Variants in NIPAL2 observed in about 807,000 individuals in gnomAD.
NIPAL2 encodes the protein NIPA like domain containing 2, also known as NIPA-like protein 2.
Under a neutral mutation model 48.9 loss-of-function variants are expected in NIPAL2, and 43 were observed. The observed-to-expected ratio is 0.88, with a 90% CI of 0.69 to 1.13. NIPAL2 has a LOEUF of 1.13. Among genes scored for constraint, NIPAL2 ranks in the 50% most tolerant of loss-of-function variants. NIPAL2 has a pLI of 0.00. For missense variants in NIPAL2, 446 were observed against 461.4 expected (o/e 0.97, Z 0.31); for synonymous variants, 167 against 174.6 (o/e 0.96, Z 0.34).
chr8:98,209,007 C>T (rs1811176599), intron 6 of NIPAL2, among the ~76,000 whole-genome samples: 1 of 152,158 alleles, frequency 6.6e-6, no homozygotes, highest in South Asian at 2.1e-4. Flanking sequence ...TCTTGGTTCT[C>T]ATTTCTTGCT....
At chr8:98,219,655 C>G (rs1811750858) in intron 5 of NIPAL2, among the ~76,000 whole-genome samples, 1 of 152,186 alleles carries the variant, frequency 6.6e-6, no homozygotes, top group African/African-American at 2.4e-5. Context: ...TGGTCCTTTT[C>G]TACGTTCCCA....
At chr8:98,265,188 A>G (rs1814631639) in intron 1 of NIPAL2, among the ~76,000 whole-genome samples, 1 of 148,802 alleles carries the variant, frequency 6.7e-6, no homozygotes, top group Non-Finnish European at 1.5e-5. Flanking sequence ...CTAGAAGAAA[A>G]CCTAGGCATT....
intron 1 of NIPAL2, among the ~76,000 whole-genome samples, chr8:98,266,144 A>C (rs1180201453): frequency 1.7e-5 from 1 of 57,500 alleles, no homozygotes; most frequent in African/African-American, 7.0e-5. Flanking sequence ...GGGTGGGGGG[A>C]GGGGGGAGGG....
intron 1 of NIPAL2, among the ~76,000 whole-genome samples, chr8:98,260,120 G>A (rs1814205576): frequency 6.6e-6 from 1 of 152,136 alleles, no homozygotes; most frequent in Non-Finnish European, 1.5e-5. Flanking sequence ...GGTTACCATG[G>A]CATAGAGGCA....
intron 1 of NIPAL2, among the ~76,000 whole-genome samples, chr8:98,285,719 T>C (rs1254124998): frequency 6.6e-6 from 1 of 152,198 alleles, no homozygotes; most frequent in East Asian, 1.9e-4. Flanking sequence ...CAGTTAAAGT[T>C]AGTTTCTTTC....
intron 1 of NIPAL2, among the ~76,000 whole-genome samples, chr8:98,262,848 C>G (rs1268568107): frequency 6.6e-6 from 1 of 152,200 alleles, no homozygotes; most frequent in East Asian, 1.9e-4. Context: ...CCGCACCACA[C>G]CTGTTCCAAA....
intron 6 of NIPAL2, among the ~76,000 whole-genome samples, chr8:98,208,460 T>G (rs1362249098): frequency 6.6e-6 from 1 of 152,182 alleles, no homozygotes; most frequent in African/African-American, 2.4e-5. Flanking sequence ...GAGTACTTTT[T>G]TTTTTGATGT....
At position 98,194,831 on chromosome 8, in the gene NIPAL2, A is replaced by G; in HGVS notation, c.945-9T>C. ...GGAATGACAGAAAACACCTGTAAGG[A>G]TAATATTAATAAAGAATACAAGAAC... On this transcript the variant is annotated splice_polypyrimidine_tract_variant and intron_variant, in intron 9 of 10. Coordinates refer to ENST00000430223, the MANE Select transcript of NIPAL2 (RefSeq NM_001321635.2). 1 of 1,482,988 alleles carries G rather than the reference A, an allele frequency of 6.7e-7. No individual in the cohort carries two copies. Among genetic ancestry groups the G allele is most frequent in the Non-Finnish European group, 9.1e-7 (1 of 1,101,864 alleles). 91.9% of individuals were successfully genotyped at this position (1,482,988 alleles called of 1,614,324 possible). A position where few individuals can be genotyped will look rare whatever the true frequency, so the allele number is the denominator to read the frequency against.
chr8:98,198,141 C>T (rs576141777), intron 8 of NIPAL2, among the ~76,000 whole-genome samples: 2 of 151,612 alleles, frequency 1.3e-5, no homozygotes, highest in East Asian at 3.9e-4. Context: ...TGTTAGCAGG[C>T]ATGAAAACAA....
intron 4 of NIPAL2, among the ~76,000 whole-genome samples, chr8:98,230,702 T>A (rs1240678479): frequency 1.3e-5 from 2 of 152,216 alleles, no homozygotes; most frequent in East Asian, 3.9e-4. Context: ...TATAGATACC[T>A]GTGCACCAAA....
At chr8:98,261,932 G>A (rs1238436321) in intron 1 of NIPAL2, among the ~76,000 whole-genome samples, 6 of 50,384 alleles carry the variant, frequency 1.2e-4, no homozygotes, top group East Asian at 1.1e-3. Context: ...CGGATCTCTC[G>A]GCAGAAACCC....
chr8:98,252,645 A>G lies in NIPAL2; in HGVS notation c.205-11T>C, dbSNP rs903014499. On this transcript the variant is annotated splice_polypyrimidine_tract_variant and intron_variant, in intron 2 of 10. Transcript: ENST00000430223. ...AAGGTGAGAATATTTCTGAAAGTAA[A>G]TCAGAAGACAAATAAGAAAACATTC... 1 of 1,601,350 alleles carries G rather than the reference A, an allele frequency of 6.2e-7. No homozygotes were observed. The highest frequency in any genetic ancestry group is 8.5e-7 in the Non-Finnish European group (1 of 1,175,950).
At chr8:98,268,622 GA>G (rs56795032) in intron 1 of NIPAL2, among the ~76,000 whole-genome samples, 64,012 of 123,914 alleles carry the variant, frequency 0.52, 14,963 homozygotes, top group Non-Finnish European at 0.6. Flanking sequence ...CTGTCTCAAA[GA>G]AAAAAAAAAA....
intron 1 of NIPAL2, among the ~76,000 whole-genome samples, chr8:98,274,376 C>T (rs1013515534): frequency 2.6e-5 from 4 of 151,934 alleles, no homozygotes; most frequent in African/African-American, 9.7e-5. Flanking sequence ...CTTTGTCTAT[C>T]AGTTGCCAAG....
intron 8 of NIPAL2, among the ~76,000 whole-genome samples, chr8:98,202,319 A>G (rs757451554): frequency 2.6e-5 from 4 of 152,188 alleles, no homozygotes; most frequent in African/African-American, 7.2e-5. Context: ...TTGGGCATGT[A>G]TGGCCCAGAG....
At chr8:98,233,982 C>T (rs1392092404) in intron 4 of NIPAL2, among the ~76,000 whole-genome samples, 4 of 152,180 alleles carry the variant, frequency 2.6e-5, no homozygotes, top group Non-Finnish European at 2.9e-5. Flanking sequence ...CTGATCTTCT[C>T]AGCTAGAGAA....
intron 8 of NIPAL2, among the ~76,000 whole-genome samples, chr8:98,200,393 T>C (rs1371412384): frequency 1.3e-5 from 2 of 152,248 alleles, no homozygotes; most frequent in African/African-American, 4.8e-5. Context: ...ATTTTTATTT[T>C]TGTGACTGGC....
chr8:98,273,210 T>C (rs895053096), intron 1 of NIPAL2, among the ~76,000 whole-genome samples: 1 of 152,200 alleles, frequency 6.6e-6, no homozygotes, highest in Non-Finnish European at 1.5e-5. Context: ...TGGTACATGC[T>C]ACAACCTAGA....
intron 2 of NIPAL2, among the ~76,000 whole-genome samples, chr8:98,253,285 G>A (rs779854045): frequency 6.6e-6 from 1 of 152,116 alleles, no homozygotes; most frequent in African/African-American, 2.4e-5. Context: ...TCCACTGGGA[G>A]TCTTGCAATG....
Sources: allele counts gnomAD v4.1 joint callset (sites outside exome capture counted in the v4.1 genomes callset), GRCh38; gene constraint gnomAD v4.1.1; transcripts MANE v1.5; gene names NCBI Gene and HGNC (gene_info 2026-07-23, HGNC 2026-07-21).